The following TP53BP2 variants were observed in gnomAD, a reference collection of about 807,000 sequenced individuals.
The protein encoded by TP53BP2 is tumor protein p53 binding protein 2.
TP53BP2 carries 62 observed loss-of-function variants against 126.2 expected under a neutral mutation model. The ratio of observed to expected loss-of-function variants is 0.49; its 90% CI spans 0.40 to 0.61. The LOEUF (loss-of-function observed/expected upper bound fraction) is 0.61, where lower values mean the gene tolerates loss of function less well. Among genes scored for constraint, TP53BP2 ranks in the 20% least tolerant of loss-of-function variants. TP53BP2 has a pLI of 0.00. For missense variants in TP53BP2, 1,215 were observed against 1,402.8 expected, an observed-to-expected ratio of 0.87 and a Z score of 2.14; for synonymous variants, 485 against 502.9, an observed-to-expected ratio of 0.96 and a Z score of 0.48.
intron 1 of TP53BP2, among the ~76,000 whole-genome samples, chr1:223,835,684 A>G (rs1402296828): frequency 6.6e-6 from 1 of 152,178 alleles, no homozygotes; most frequent in African/African-American, 2.4e-5. Flanking sequence ...AAAATCCAAA[A>G]TAAGAATATT....
rs548162734 is a variant in TP53BP2, at chr1:223,795,669, C to T, written c.2724+146G>A. On this transcript the variant is annotated intron_variant, in intron 13 of 17. Transcript: ENST00000343537. ...AATGTTCTTTATATTGAATAAACTG[C>T]ATTATGAAAACATTTATAAGATCCA... is the stretch of plus-strand genomic sequence containing the variant. 10 of 642,312 alleles carry T rather than the reference C, an allele frequency of 1.6e-5. No homozygotes were observed. In the Admixed American group the frequency reaches 2.8e-4, roughly 18 times the overall value. 39.8% of individuals were successfully genotyped at this position (642,312 alleles called of 1,614,324 possible). A position where few individuals can be genotyped will look rare whatever the true frequency, so the allele number is the denominator to read the frequency against.
intron 4 of TP53BP2, 103 bp from the exon 5 acceptor site, chr1:223,807,050 A>C: frequency 1.4e-6 from 1 of 728,044 alleles, no homozygotes; most frequent in Middle Eastern, 2.6e-4. Flanking sequence ...TGAACCAACT[A>C]TGACAAAATT....
intron 17 of TP53BP2, 102 bp downstream of exon 17, chr1:223,784,013 A>T: frequency 1.0e-6 from 1 of 983,728 alleles, no homozygotes; most frequent in Non-Finnish European, 1.6e-6. Context: ...ATGTCTTATT[A>T]ACAAAGGGCA....
intron 1 of TP53BP2, among the ~76,000 whole-genome samples, chr1:223,842,005 G>A (rs1403517355): frequency 2.0e-5 from 3 of 150,604 alleles, no homozygotes; most frequent in Non-Finnish European, 4.4e-5. Context: ...CAAGATTCGC[G>A]ATCTCGGCTC....
At chr1:223,781,433 G>A (rs1280888141) in intron 17 of TP53BP2, among the ~76,000 whole-genome samples, 2 of 152,184 alleles carry the variant, frequency 1.3e-5, no homozygotes, top group East Asian at 3.8e-4. Flanking sequence ...CAATTCTGTG[G>A]TTTTGTGTTT....
At chr1:223,802,923 A>C in intron 7 of TP53BP2, 28 bp from the exon 8 acceptor site, 3 of 1,612,920 alleles carry the variant, frequency 1.9e-6, no homozygotes, top group Non-Finnish European at 2.5e-6. Flanking sequence ...GAAAAAAGGT[A>C]GCCAAGGAGT....
chr1:223,818,083 TAC>T (rs1663155247), intron 2 of TP53BP2: 1 of 152,422 alleles, frequency 6.6e-6, no homozygotes, highest in African/African-American at 2.4e-5. Flanking sequence ...AAAATATTTC[TAC>T]AGTTACTTAT....
At position 223,812,767 on chromosome 1, in the gene TP53BP2, C is replaced by T. The variant is rs562517466; in HGVS notation, c.289+1473G>A. ...TAGAGACAGGGTTTCACCATGTTGG[C>T]CAGGATGGTCTGTCTCGATCTCCTG... is the stretch of plus-strand genomic sequence containing the variant. On this transcript the variant is annotated intron_variant, in intron 3 of 17. Coordinates refer to ENST00000343537, the MANE Select transcript of TP53BP2 (RefSeq NM_001031685.3). Among the ~76,000 whole-genome samples, 365 of 152,220 alleles carry T rather than the reference C, an allele frequency of 2.4e-3. 3 individuals are homozygous for T. Among genetic ancestry groups the T allele is most frequent in the African/African-American group, 8.5e-3 (354 of 41,520 alleles).
At chr1:223,785,576 T>G (rs1476661674) in intron 16 of TP53BP2, among the ~76,000 whole-genome samples, 1 of 152,174 alleles carries the variant, frequency 6.6e-6, no homozygotes, top group Non-Finnish European at 1.5e-5. Flanking sequence ...TTGCAATAAA[T>G]TAGGGACCAG....
chr1:223,782,608 G>A (rs1409373663), intron 17 of TP53BP2, among the ~76,000 whole-genome samples: 6 of 152,044 alleles, frequency 3.9e-5, no homozygotes, highest in East Asian at 1.9e-4. Context: ...TCAACCTCCC[G>A]AGTAGCTGGG....
In TP53BP2 at chr1:223,799,560, G is replaced by C. The variant is rs578057885; in HGVS notation, c.1485+339C>G. Among the ~76,000 whole-genome samples, 144 of 152,314 alleles carry C rather than the reference G, an allele frequency of 9.5e-4. 1 individual carries two copies. Among genetic ancestry groups the C allele is most frequent in the African/African-American group, 3.4e-3 (140 of 41,552 alleles). Reference sequence around the variant, plus strand: ...AACCTGGTTATCAAGGATTAAGACTGTAACAGTTACAGAAAATTCACCACA... The same window carrying C: ...AACCTGGTTATCAAGGATTAAGACTCTAACAGTTACAGAAAATTCACCACA... On this transcript the variant is annotated intron_variant, in intron 11 of 17. Coordinates refer to ENST00000343537, the MANE Select transcript of TP53BP2 (RefSeq NM_001031685.3).
At chr1:223,783,233 G>C (rs1661832881) in intron 17 of TP53BP2, among the ~76,000 whole-genome samples, 1 of 152,096 alleles carries the variant, frequency 6.6e-6, no homozygotes, top group African/African-American at 2.4e-5. Context: ...CTAATCTTGG[G>C]AGGCAGGATT....
Position 223,798,255 on chromosome 1 carries a change from C to T in TP53BP2, c.1908G>A (p.Ala636=), listed in dbSNP as rs377578887. The change falls in exon 12 of 18, where the codon GCG becomes GCA. Residue 636 remains alanine (A), a synonymous_variant. Coordinates refer to ENST00000343537, the MANE Select transcript of TP53BP2 (RefSeq NM_001031685.3). ...GCCCTCTGGTATGAGTCTTGGTCAA[C>T]GCGCTCTGCACAGCCTGCTGGAAGT... The part of the protein sequence containing the change: ...GKNFQQAVQS[A]LTKTHTRGPH... 45 of 1,614,070 alleles carry T rather than the reference C, an allele frequency of 2.8e-5. 1 individual carries two copies. Among genetic ancestry groups the T allele is most frequent in the African/African-American group, 1.9e-4 (14 of 74,930 alleles).
chr1:223,810,358 A>G (rs902611143), intron 4 of TP53BP2, 73 bp downstream of exon 4: 11 of 1,116,314 alleles, frequency 9.9e-6, no homozygotes, highest in Admixed American at 2.9e-5. Flanking sequence ...ACAAAGTAAT[A>G]ATGAATAAGA....
At chr1:223,818,345 T>C (rs1663164641) in intron 2 of TP53BP2, 1 of 151,226 alleles carries the variant, frequency 6.6e-6, no homozygotes, top group African/African-American at 2.4e-5. Context: ...CTACTAAAAA[T>C]ACAAAAAAAA....
In TP53BP2 at chr1:223,798,274, T is replaced by C. The variant is rs1462518281; in HGVS notation, c.1889A>G (p.Gln630Arg). 2 of 1,614,210 alleles carry C rather than the reference T, an allele frequency of 1.2e-6. No homozygotes were observed. The highest frequency in any genetic ancestry group is 1.1e-5 in the South Asian group (1 of 91,084). ...GGTCAACGCGCTCTGCACAGCCTGCTGGAAGTTTTTTCCTGGCGCCTGCTG... is the reference window on the plus strand; with the variant it reads ...GGTCAACGCGCTCTGCACAGCCTGCCGGAAGTTTTTTCCTGGCGCCTGCTG... ...TQQQAPGKNF[Q>R]QAVQSALTKT... Residue 630 changes from glutamine (Q) to arginine (R), a missense_variant, in exon 12 of 18, where the codon CAG (glutamine) becomes CGG (arginine). Physicochemically the swap from Gln to Arg is conservative, Grantham distance 43 (BLOSUM62 1). Around this residue, in one of 4 missense-constraint regions of TP53BP2, gnomAD observed 814 missense variants for 853.0 expected, o/e 0.95. Coordinates refer to ENST00000343537, the MANE Select transcript of TP53BP2 (RefSeq NM_001031685.3).
rs911509577 is a variant in TP53BP2, at chr1:223,845,763, G to T, written c.-83C>A. 5.1e-6 allele frequency: 7 copies of T among 1,362,816 alleles called. No individual in the cohort carries two copies. The South Asian group carries it at 9.6e-5, about 19-fold the overall frequency. The allele number at this position is 1,362,816 out of a possible 1,614,324, so 84.4% of individuals were successfully genotyped here. Reference sequence around the variant, plus strand: ...GATGCGGGGGAGGGGAGCGGAGAGCGAGGCCGCCCGGACCTGTTGCGAGGC... The same window carrying T: ...GATGCGGGGGAGGGGAGCGGAGAGCTAGGCCGCCCGGACCTGTTGCGAGGC... On this transcript the variant is annotated 5_prime_UTR_variant, in exon 1 of 18. Transcript: ENST00000343537.
chr1:223,800,735 G>C lies in TP53BP2; in HGVS notation c.1301C>G (p.Ser434Cys). Residue 434 changes from serine to cysteine, a missense_variant, in exon 10 of 18, where the codon TCT becomes TGT. Physicochemically the swap from Ser to Cys is moderately radical, Grantham distance 112. Coordinates refer to ENST00000343537, the MANE Select transcript of TP53BP2 (RefSeq NM_001031685.3). ...AGCATTCCCAGTGCTTTGAGGTACA[G>C]AAGCAGAGCCTTGGCTTGGGAAAAG... ...ADLFPSQGSA[S>C]VPQSTGNALD... The C allele has an allele frequency of 6.2e-7, 1 of 1,609,920 alleles. No homozygotes were observed. The highest frequency in any genetic ancestry group is 1.3e-5 in the African/African-American group (1 of 74,674).
intron 5 of TP53BP2, among the ~76,000 whole-genome samples, chr1:223,805,996 A>C (rs546046841): frequency 6.6e-6 from 1 of 152,210 alleles, no homozygotes; most frequent in South Asian, 2.1e-4. Context: ...CTGGCAGGAG[A>C]AGCAGCAGTT....
Sources: gnomAD v4.1 joint callset for allele counts (sites outside exome capture counted in the v4.1 genomes callset) on GRCh38, gnomAD v4.1.1 for gene constraint, gnomAD v4.1.1 regional missense constraint, MANE v1.5 for transcripts, NCBI Gene and HGNC (gene_info 2026-07-23, HGNC 2026-07-21) for gene names.